Variants in ZKSCAN2 observed in about 807,000 individuals in gnomAD.
The protein encoded by ZKSCAN2 is zinc finger with KRAB and SCAN domains 2.
ZKSCAN2 carries 38 observed loss-of-function variants against 90.5 expected under a neutral mutation model. The ratio of observed to expected loss-of-function variants is 0.42; its 90% CI spans 0.32 to 0.55. The LOEUF (loss-of-function observed/expected upper bound fraction) is 0.55, where lower values mean the gene tolerates loss of function less well. Ranked by LOEUF, ZKSCAN2 falls within the 20% of genes least tolerant of loss-of-function variation. The pLI is 0.11. For missense variants in ZKSCAN2, 1,167 were observed against 1,202.6 expected (o/e 0.97, Z 0.44); for synonymous variants, 429 against 421.6 (o/e 1.02, Z -0.22).
At chr16:25,243,017 C>A (rs375531493) in intron 6 of ZKSCAN2, among the ~76,000 whole-genome samples, 1 of 152,194 alleles carries the variant, frequency 6.6e-6, no homozygotes, top group Non-Finnish European at 1.5e-5. Flanking sequence ...GACAGGCCCA[C>A]GAGGGCGTAA....
Position 25,256,914 on chromosome 16 carries a change from G to A in ZKSCAN2, c.214C>T (p.Arg72Trp). 2 of 1,614,200 alleles carry A rather than the reference G, an allele frequency of 1.2e-6. No individual in the cohort carries two copies. Among genetic ancestry groups the A allele is most frequent in the South Asian group, 1.1e-5 (1 of 91,088 alleles). Reference protein sequence around the residue: ...AFSKLWELCCRWLKPEMRSKE... With the variant: ...AFSKLWELCCWWLKPEMRSKE... ...GAACGCATTTCTGGCTTCAGCCACCGGCAGCAAAGTTCCCAGAGTTTACTG... is the reference window on the plus strand; with the variant it reads ...GAACGCATTTCTGGCTTCAGCCACCAGCAGCAAAGTTCCCAGAGTTTACTG... The change falls in exon 1 of 7, where the codon CGG becomes TGG. Residue 72 changes from arginine to tryptophan, a missense_variant. By Grantham distance (101) the Arg-to-Trp change is moderately radical. Coordinates refer to ENST00000328086, the MANE Select transcript of ZKSCAN2 (RefSeq NM_001012981.5).
intron 2 of ZKSCAN2, among the ~76,000 whole-genome samples, chr16:25,253,372 T>C (rs1378465146): frequency 6.6e-6 from 1 of 151,844 alleles, no homozygotes; most frequent in Non-Finnish European, 1.5e-5. Flanking sequence ...TGTGGTACCT[T>C]CCCTCCTTCC....
At chr16:25,242,446 G>C (rs1014154457) in intron 6 of ZKSCAN2, among the ~76,000 whole-genome samples, 2 of 152,188 alleles carry the variant, frequency 1.3e-5, no homozygotes, top group Non-Finnish European at 2.9e-5. Context: ...ATATTCAACT[G>C]ATTGCCGAGG....
chr16:25,239,733 C>A lies in ZKSCAN2; in HGVS notation c.*83G>T. On this transcript the variant is annotated 3_prime_UTR_variant, in exon 7 of 7. Coordinates refer to ENST00000328086, the MANE Select transcript of ZKSCAN2 (RefSeq NM_001012981.5). ...TCTCAAGTTTATCTTGGAAATTACA[C>A]TTCATAGCTAAGAAAAGATTGCTTC... 1 of 1,234,626 alleles carries A rather than the reference C, an allele frequency of 8.1e-7. No homozygotes were observed. Among genetic ancestry groups the A allele is most frequent in the Non-Finnish European group, 1.1e-6 (1 of 881,152 alleles). 76.5% of individuals were successfully genotyped at this position (1,234,626 alleles called of 1,614,324 possible).
At chr16:25,249,828 A>C (rs1373018847) in intron 4 of ZKSCAN2, among the ~76,000 whole-genome samples, 3 of 152,186 alleles carry the variant, frequency 2.0e-5, no homozygotes, top group Non-Finnish European at 2.9e-5. Context: ...TGATCCAGCA[A>C]TCCCACTTAT....
chr16:25,243,578 C>T (rs1962885387), intron 6 of ZKSCAN2, among the ~76,000 whole-genome samples: 1 of 152,368 alleles, frequency 6.6e-6, no homozygotes, highest in Admixed American at 6.5e-5. Context: ...ATCCACCCGC[C>T]TCAACCTCCC....
Position 25,251,922 on chromosome 16 carries a change from G to A in ZKSCAN2, c.792C>T (p.Asn264=), listed in dbSNP as rs775422144. Residue 264 remains asparagine (N), a synonymous_variant, in exon 4 of 7, where the codon AAC becomes AAT. Coordinates refer to ENST00000328086, the MANE Select transcript of ZKSCAN2 (RefSeq NM_001012981.5). The part of the protein sequence containing the change: ...YRDFRKENVG[N]VVSLGSAVST... ...AGGAATCCTTACCCAGGGAGACCAC[G>A]TTCCCAACATTCTCCTTCCTGAAAT... is the stretch of plus-strand genomic sequence containing the variant. 4 of 1,613,936 alleles carry A rather than the reference G, an allele frequency of 2.5e-6. No homozygotes were observed. Among genetic ancestry groups the A allele is most frequent in the Admixed American group, 1.7e-5 (1 of 59,994 alleles).
At chr16:25,242,272 T>C (rs1238688479) in intron 6 of ZKSCAN2, among the ~76,000 whole-genome samples, 3 of 152,306 alleles carry the variant, frequency 2.0e-5, no homozygotes, top group African/African-American at 2.4e-5. Flanking sequence ...AATTTGATGA[T>C]AGGTTTGGAG....
chr16:25,242,065 A>G (rs1183675737), intron 6 of ZKSCAN2, among the ~76,000 whole-genome samples: 3 of 152,052 alleles, frequency 2.0e-5, no homozygotes, highest in Admixed American at 6.5e-5. Context: ...GATGGGGTGT[A>G]TGTTGCCCAG....
chr16:25,249,551 G>C (rs1179320011), intron 4 of ZKSCAN2, among the ~76,000 whole-genome samples: 1 of 152,008 alleles, frequency 6.6e-6, no homozygotes, highest in Non-Finnish European at 1.5e-5. Flanking sequence ...CAAAGTTCTG[G>C]GATTACAGGC....
At position 25,257,805 on chromosome 16, in the gene ZKSCAN2, C is replaced by T. The variant is rs1248986695; in HGVS notation, c.-678G>A. On this transcript the variant is annotated 5_prime_UTR_variant, in exon 1 of 7. Coordinates refer to ENST00000328086, the MANE Select transcript of ZKSCAN2 (RefSeq NM_001012981.5). ...GGGGCAGCGGCAGGCTGCTCGCGTT[C>T]GGCCTCGTCCACTCGGCCCGCGGAG... 6.6e-6 allele frequency: 1 copy of T among 152,282 alleles called. No individual in the cohort carries two copies. The highest frequency in any genetic ancestry group is 1.9e-4 in the East Asian group (1 of 5,174). 9.4% of individuals were successfully genotyped at this position (152,282 alleles called of 1,614,324 possible). A position where few individuals can be genotyped will look rare whatever the true frequency, so the allele number is the denominator to read the frequency against.
Position 25,247,354 on chromosome 16 carries a change from A to G in ZKSCAN2, c.842T>C (p.Leu281Ser), listed in dbSNP as rs1962949998. The G allele has an allele frequency of 6.2e-7, 1 of 1,611,688 alleles. No individual in the cohort carries two copies. The highest frequency in any genetic ancestry group is 1.3e-5 in the African/African-American group (1 of 74,912). Residue 281 changes from leucine to serine, a missense_variant, in exon 5 of 7, where the codon TTG becomes TCG. By Grantham distance (145) the Leu-to-Ser change is moderately radical (BLOSUM62 -2). Transcript: ENST00000328086. ...AVSTSNKITR[L>S]EQRKEPWTLG... is the part of the protein sequence containing the mutation. ...AGTCCATGGCTCCTTTCTCTGTTCC[A>G]ACCGGGTTATCTTGTTAGATGTAGA...
chr16:25,255,346 G>A lies in ZKSCAN2; in HGVS notation c.446C>T (p.Ala149Val), dbSNP rs377236803. 3.0e-5 allele frequency: 49 copies of A among 1,613,328 alleles called. No individual in the cohort carries two copies. In the African/African-American group the frequency reaches 4.3e-4, roughly 14 times the overall value. Residue 149 changes from alanine (A) to valine (V), a missense_variant, in exon 2 of 7, where the codon GCG (alanine) becomes GTG (valine). Coordinates refer to ENST00000328086, the MANE Select transcript of ZKSCAN2 (RefSeq NM_001012981.5). ...TGGCTGGAAGTCTGCCACCTCCCAC[G>A]CTGCTCCAAGTGGGGAGTGCTTCTC... is the stretch of plus-strand genomic sequence containing the variant. ...HREKHSPLGAAWEVADFQPEQ... is the reference protein window; with the variant it reads ...HREKHSPLGAVWEVADFQPEQ...
chr16:25,255,261 T>A lies in ZKSCAN2; in HGVS notation c.531A>T (p.Ser177=), dbSNP rs756092615. ...TTCGGTTCAGCTGTTCCTGGTGTCC[T>A]GAGTGGAGGCTTCCAGGTTCCTCCC... ...VSREEPGSLH[S]GHQEQLNRKR... is the part of the protein sequence containing the mutation. Residue 177 remains serine, a synonymous_variant, in exon 2 of 7, where the codon TCA becomes TCT. Coordinates refer to ENST00000328086, the MANE Select transcript of ZKSCAN2 (RefSeq NM_001012981.5). 6.2e-6 allele frequency: 10 copies of A among 1,612,870 alleles called. No individual in the cohort carries two copies. The East Asian group carries it at 2.2e-4, about 36-fold the overall frequency.
chr16:25,240,138 C>T lies in ZKSCAN2; in HGVS notation c.2582G>A (p.Cys861Tyr), dbSNP rs1195358639. The T allele has an allele frequency of 1.2e-6, 2 of 1,614,094 alleles. No individual in the cohort carries two copies. Among genetic ancestry groups the T allele is most frequent in the South Asian group, 1.1e-5 (1 of 91,076 alleles). The change falls in exon 7 of 7, where the codon TGT becomes TAT. Residue 861 changes from cysteine to tyrosine, a missense_variant. Coordinates refer to ENST00000328086, the MANE Select transcript of ZKSCAN2 (RefSeq NM_001012981.5). ...GGTGAAACTTTTCCCACACTCTCCA[C>T]ACTGATAGGGCTTCTCACCGGTGTG... is the stretch of plus-strand genomic sequence containing the variant. Reference protein sequence around the residue: ...RTHTGEKPYQCGECGKSFTNS... With the variant: ...RTHTGEKPYQYGECGKSFTNS...
chr16:25,252,250 C>T (rs776435638), intron 3 of ZKSCAN2, among the ~76,000 whole-genome samples: 17 of 152,042 alleles, frequency 1.1e-4, no homozygotes, highest in Non-Finnish European at 1.9e-4. Context: ...AGACTGGGTC[C>T]CATCTTTTCA....
intron 1 of ZKSCAN2, among the ~76,000 whole-genome samples, chr16:25,255,868 C>T (rs1963093886): frequency 6.6e-6 from 1 of 152,122 alleles, no homozygotes; most frequent in African/African-American, 2.4e-5. Flanking sequence ...CAGATGTGAG[C>T]CACCGCGCCT....
At chr16:25,243,292 CG>C (rs1193739014) in intron 6 of ZKSCAN2, among the ~76,000 whole-genome samples, 2 of 152,200 alleles carry the variant, frequency 1.3e-5, no homozygotes, top group Non-Finnish European at 2.9e-5. Flanking sequence ...GTCACTCTAA[CG>C]TGAGTTCCTC....
Position 25,257,565 on chromosome 16 carries a change from C to A in ZKSCAN2, c.-438G>T. The A allele has an allele frequency of 1.0e-6, 1 of 961,588 alleles. No individual in the cohort carries two copies. Among genetic ancestry groups the A allele is most frequent in the Non-Finnish European group, 1.2e-6 (1 of 808,100 alleles). The allele number at this position is 961,588 out of a possible 1,614,324, so 59.6% of individuals were successfully genotyped here. A position where few individuals can be genotyped will look rare whatever the true frequency, so the allele number is the denominator to read the frequency against. On this transcript the variant is annotated 5_prime_UTR_variant, in exon 1 of 7. Transcript: ENST00000328086. ...GTGGGTGGGGCCGGATGTGCAGGCC[C>A]CGCCCGGCGCCAGGTTCCGGGCTCG...
Sources: allele counts gnomAD v4.1 joint callset (sites outside exome capture counted in the v4.1 genomes callset), GRCh38; gene constraint gnomAD v4.1.1; transcripts MANE v1.5; gene names NCBI Gene and HGNC (gene_info 2026-07-23, HGNC 2026-07-21).